Variants in JAKMIP3 observed in about 807,000 individuals in gnomAD.
JAKMIP3 encodes janus kinase and microtubule-interacting protein 3.
A neutral mutation model predicts 118.5 loss-of-function variants in JAKMIP3; 58 were observed. The observed-to-expected ratio is 0.49, with a 90% CI of 0.40 to 0.61. The LOEUF is 0.61. Among genes scored for constraint, JAKMIP3 ranks in the 20% least tolerant of loss-of-function variants. The probability of loss-of-function intolerance (pLI) is 0.00; values close to 1 mark genes in which losing one functional copy is unlikely to be tolerated. For missense variants in JAKMIP3, 950 were observed against 1,109.0 expected, an observed-to-expected ratio of 0.86 and a Z score of 2.04; for synonymous variants, 486 against 451.2, an observed-to-expected ratio of 1.08 and a Z score of -0.98.
chr10:132,141,486 C>T (rs1054375103), intron 10 of JAKMIP3, among the ~76,000 whole-genome samples: 1 of 152,180 alleles, frequency 6.6e-6, no homozygotes, highest in Non-Finnish European at 1.5e-5. Flanking sequence ...GTACTTTACC[C>T]CCTTCACAAA....
At chr10:132,180,750 C>T (rs897450085) in intron 23 of JAKMIP3, among the ~76,000 whole-genome samples, 885 of 12,668 alleles carry the variant, frequency 0.07, 196 homozygotes, top group African/African-American at 0.29. Flanking sequence ...TGCGTGCGCG[C>T]GCGTGTGTGC....
In JAKMIP3 at chr10:132,080,503, A is replaced by ATTTTTTTTTTTTT. The variant is rs201838731; in HGVS notation, c.-138+14466_-138+14478dup. On this transcript the variant is annotated intron_variant, in intron 1 of 23. Coordinates refer to ENST00000684848, the MANE Select transcript of JAKMIP3 (RefSeq NM_001323087.2). ...TATTTTCTTGCTGTCAAGTTATAGG[A>ATTTTTTTTTTTTT]TTTTTTTTTTTTTTTTTTTTTTTTT... Among the ~76,000 whole-genome samples the ATTTTTTTTTTTTT allele has an allele frequency of 8.1e-5, 5 of 61,578 alleles. 1 individual carries two copies. Among genetic ancestry groups the ATTTTTTTTTTTTT allele is most frequent in the Non-Finnish European group, 8.8e-5 (3 of 34,160 alleles). 40.4% of individuals were successfully genotyped at this position (61,578 alleles called of 152,430 possible).
At chr10:132,057,219 C>A (rs2038261512) in intron 1 of JAKMIP3, among the ~76,000 whole-genome samples, 1 of 152,164 alleles carries the variant, frequency 6.6e-6, no homozygotes, top group African/African-American at 2.4e-5. Context: ...GGGCGCAACC[C>A]CCTGGGACCC....
At chr10:132,134,836 G>A (rs949489269) in intron 4 of JAKMIP3, among the ~76,000 whole-genome samples, 2 of 152,240 alleles carry the variant, frequency 1.3e-5, no homozygotes, top group Non-Finnish European at 2.9e-5. Context: ...CTGCCCGTCG[G>A]TTCTGTTGCC....
intron 3 of JAKMIP3, among the ~76,000 whole-genome samples, chr10:132,129,678 C>T (rs1167692839): frequency 6.6e-6 from 1 of 152,166 alleles, no homozygotes; most frequent in Non-Finnish European, 1.5e-5. Flanking sequence ...AGGGATCTGC[C>T]TGTGGACAGC....
intron 1 of JAKMIP3, among the ~76,000 whole-genome samples, chr10:132,102,380 C>T (rs1310475733): frequency 6.6e-6 from 1 of 152,162 alleles, no homozygotes; most frequent in Non-Finnish European, 1.5e-5. Flanking sequence ...GCCCCTCCGT[C>T]TGCAGTGGCA....
chr10:132,110,366 A>G (rs2046674340), intron 2 of JAKMIP3, among the ~76,000 whole-genome samples: 1 of 152,360 alleles, frequency 6.6e-6, no homozygotes, highest in South Asian at 2.1e-4. Flanking sequence ...CCGGATCCCA[A>G]CGTGGGGCCC....
Position 132,121,847 on chromosome 10 carries a change from C to G in JAKMIP3, c.633+4273C>G, listed in dbSNP as rs7918151. Reference sequence around the variant, plus strand: ...CTTCTATGGGGTGGAACCTGTCCCACCAAGGTCCACCCTGAGGACAGTCGC... The same window carrying G: ...CTTCTATGGGGTGGAACCTGTCCCAGCAAGGTCCACCCTGAGGACAGTCGC... On this transcript the variant is annotated intron_variant, in intron 3 of 23. Transcript: ENST00000684848. Among the ~76,000 whole-genome samples, 1,409 of 152,248 alleles carry G rather than the reference C, an allele frequency of 9.3e-3. 27 individuals are homozygous for G. Among genetic ancestry groups the G allele is most frequent in the African/African-American group, 0.032 (1,333 of 41,562 alleles).
intron 20 of JAKMIP3, among the ~76,000 whole-genome samples, chr10:132,163,700 G>A (rs1038000126): frequency 1.3e-5 from 2 of 152,204 alleles, no homozygotes; most frequent in African/African-American, 4.8e-5. Flanking sequence ...CACACCCCTG[G>A]TGGCCATGCC....
intron 9 of JAKMIP3, 131 bp from the exon 10 acceptor site, chr10:132,140,320 A>G (rs1367701008): frequency 8.3e-7 from 1 of 1,210,720 alleles, no homozygotes. Context: ...GGCCTGTGCC[A>G]GGGACAGAGA....
chr10:132,080,133 T>G (rs7100916), intron 1 of JAKMIP3, among the ~76,000 whole-genome samples: 41,174 of 152,172 alleles, frequency 0.27, 5,700 homozygotes, highest in Middle Eastern at 0.41. Flanking sequence ...TGAGCTACAG[T>G]CATCACTGCG....
At chr10:132,109,163 A>T (rs896952925) in intron 2 of JAKMIP3, among the ~76,000 whole-genome samples, 1 of 151,144 alleles carries the variant, frequency 6.6e-6, no homozygotes, top group African/African-American at 2.4e-5. Flanking sequence ...CACATATATT[A>T]AAAAAAACTG....
chr10:132,056,812 C>A (rs539121695), intron 1 of JAKMIP3, among the ~76,000 whole-genome samples: 1 of 152,340 alleles, frequency 6.6e-6, no homozygotes, highest in South Asian at 2.1e-4. Flanking sequence ...CCCACACCCA[C>A]TGCAGGAGGG....
At chr10:132,164,005 T>C (rs746090151) in intron 20 of JAKMIP3, among the ~76,000 whole-genome samples, 5 of 152,212 alleles carry the variant, frequency 3.3e-5, no homozygotes, top group African/African-American at 4.8e-5. Flanking sequence ...AGCTTCTCCG[T>C]GAGCCAGGTT....
At chr10:132,052,253 C>T (rs2038124275) in intron 1 of JAKMIP3, among the ~76,000 whole-genome samples, 1 of 152,136 alleles carries the variant, frequency 6.6e-6, no homozygotes, top group Non-Finnish European at 1.5e-5. Flanking sequence ...AGCATGATTC[C>T]ATTGTTGTGT....
At chr10:132,064,769 C>T (rs902460688), upstream of JAKMIP3, among the ~76,000 whole-genome samples, 2 of 152,138 alleles carry the variant, frequency 1.3e-5, no homozygotes, top group African/African-American at 2.4e-5. This position sits in a 1 kb window ranked among gnomAD's most constrained non-coding sequence, Gnocchi z 4.4. Context: ...TGAGGGTGGC[C>T]AGATCTAGAC....
At chr10:132,081,055 T>A (rs1279280969) in intron 1 of JAKMIP3, among the ~76,000 whole-genome samples, 4 of 152,236 alleles carry the variant, frequency 2.6e-5, no homozygotes, top group African/African-American at 9.6e-5. Context: ...TGCCTTAATT[T>A]TTTTTCTAGA....
chr10:132,056,092 T>C (rs6560672), intron 1 of JAKMIP3, among the ~76,000 whole-genome samples: 84,192 of 151,764 alleles, frequency 0.55, 23,720 homozygotes, highest in East Asian at 0.72. Flanking sequence ...GTGGTCAGTT[T>C]GTGTTTGTCT....
rs988115058 is a variant in JAKMIP3 at position 132,147,868 on chromosome 10, G to A, written c.1750-84G>A. ...CCGGCCTCCCCGGCAGCCAGCAGCT[G>A]TCCCGTCAGCCTGGAGTTGACCTCC... On this transcript the variant is annotated intron_variant, in intron 13 of 23. Transcript: ENST00000684848. 1.0e-5 allele frequency: 10 copies of A among 984,624 alleles called. No individual in the cohort carries two copies. In the Admixed American group the frequency reaches 1.2e-4, roughly 12 times the overall value. The allele number at this position is 984,624 out of a possible 1,614,324, so 61.0% of individuals were successfully genotyped here.
Sources: allele counts gnomAD v4.1 joint callset (sites outside exome capture counted in the v4.1 genomes callset), GRCh38; gene constraint gnomAD v4.1.1; non-coding constraint Gnocchi (gnomAD v3.1); transcripts MANE v1.5; gene names NCBI Gene and HGNC (gene_info 2026-07-23, HGNC 2026-07-21).